SLAIN2: variants seen among roughly 807,000 people sequenced by gnomAD.
SLAIN2 encodes SLAIN motif-containing protein 2.
A neutral mutation model predicts 56.6 loss-of-function variants in SLAIN2; 31 were observed. The ratio of observed to expected loss-of-function variants is 0.55; its 90% CI spans 0.41 to 0.74. The LOEUF is 0.74. Ranked by LOEUF, SLAIN2 falls within the 30% of genes least tolerant of loss-of-function variation. The probability of loss-of-function intolerance (pLI) is 0.00; values close to 1 mark genes in which losing one functional copy is unlikely to be tolerated. For missense variants in SLAIN2, 777 were observed against 754.2 expected, an observed-to-expected ratio of 1.03 and a Z score of -0.35; for synonymous variants, 317 against 284.9, an observed-to-expected ratio of 1.11 and a Z score of -1.13.
intron 6 of SLAIN2, among the ~76,000 whole-genome samples, chr4:48,393,386 T>TGTGTG (rs1716283267): frequency 4.4e-5 from 6 of 135,348 alleles, no homozygotes; most frequent in Admixed American, 1.5e-4. Context: ...CATGTCTGGC[T>TGTGTG]TGTGTGTGTG....
intron 6 of SLAIN2, among the ~76,000 whole-genome samples, chr4:48,407,187 T>C (rs1716720424): frequency 6.6e-6 from 1 of 152,076 alleles, no homozygotes. Flanking sequence ...GAATTATTTT[T>C]TTTCTTCTAA....
In SLAIN2 at chr4:48,342,107, G is replaced by T; in HGVS notation, c.368G>T (p.Trp123Leu). ...GACGAGCTGGAGCGCCTGTCAGGCT[G>T]GGAGGAGGAGGAGGAGAGCTGGTGA... is the stretch of plus-strand genomic sequence containing the variant. ...RPDELERLSG[W>L]EEEEESWLYS... Residue 123 changes from tryptophan to leucine, a missense_variant, in exon 1 of 8, where the codon TGG (tryptophan) becomes TTG (leucine). Physicochemically the swap from Trp to Leu is moderately conservative, Grantham distance 61 (BLOSUM62 -2). Coordinates refer to ENST00000264313, the MANE Select transcript of SLAIN2 (RefSeq NM_020846.2). 3 of 1,349,978 alleles carry T rather than the reference G, an allele frequency of 2.2e-6. No homozygotes were observed. The highest frequency in any genetic ancestry group is 2.8e-6 in the Non-Finnish European group (3 of 1,055,040). 83.6% of individuals were successfully genotyped at this position (1,349,978 alleles called of 1,614,324 possible). A position where few individuals can be genotyped will look rare whatever the true frequency, so the allele number is the denominator to read the frequency against.
chr4:48,368,165 C>T (rs1245592162), intron 1 of SLAIN2, among the ~76,000 whole-genome samples: 2 of 148,824 alleles, frequency 1.3e-5, no homozygotes, highest in African/African-American at 2.5e-5. Flanking sequence ...TCTTGTGCCT[C>T]AGCCTCCCGA....
In SLAIN2 at chr4:48,342,002, G is replaced by T; in HGVS notation, c.263G>T (p.Ser88Ile). 7.0e-7 allele frequency: 1 copy of T among 1,423,498 alleles called. No homozygotes were observed. Among genetic ancestry groups the T allele is most frequent in the Non-Finnish European group, 9.1e-7 (1 of 1,093,562 alleles). 88.2% of individuals were successfully genotyped at this position (1,423,498 alleles called of 1,614,324 possible). Residue 88 changes from serine (S) to isoleucine (I), a missense_variant, in exon 1 of 8, where the codon AGC becomes ATC. By Grantham distance (142) the Ser-to-Ile change is moderately radical. Coordinates refer to ENST00000264313, the MANE Select transcript of SLAIN2 (RefSeq NM_020846.2). ...GPGSGPRRTS[S>I]EELRDATSLL... ...GGGTCGGGCCCGAGGCGGACGAGTA[G>T]CGAAGAGCTGCGGGACGCCACCTCC...
Position 48,371,998 on chromosome 4 carries a change from A to G in SLAIN2, c.538+2001A>G, listed in dbSNP as rs571800513. Among the ~76,000 whole-genome samples the G allele has an allele frequency of 5.8e-3, 878 of 150,936 alleles. 8 individuals are homozygous for G. Among genetic ancestry groups the G allele is most frequent in the African/African-American group, 0.019 (796 of 41,028 alleles). ...CACACACACACACACACGCGCGCAC[A>G]CACACACACACACATATACATATAT... On this transcript the variant is annotated intron_variant, in intron 2 of 7. Coordinates refer to ENST00000264313, the MANE Select transcript of SLAIN2 (RefSeq NM_020846.2).
intron 1 of SLAIN2, among the ~76,000 whole-genome samples, chr4:48,364,168 C>T (rs1309600223): frequency 5.8e-4 from 31 of 53,114 alleles, no homozygotes; most frequent in East Asian, 1.1e-3. Context: ...ACGGGGCGGC[C>T]GGGCAGAGAC....
At chr4:48,352,959 G>A (rs1216558649) in intron 1 of SLAIN2, among the ~76,000 whole-genome samples, 4 of 152,136 alleles carry the variant, frequency 2.6e-5, no homozygotes, top group Admixed American at 2.6e-4. Flanking sequence ...AGATCTGATA[G>A]TTTTATCAGA....
chr4:48,364,676 TC>T (rs1715458707), intron 1 of SLAIN2, among the ~76,000 whole-genome samples: 1 of 120,246 alleles, frequency 8.3e-6, no homozygotes, highest in Non-Finnish European at 1.9e-5. Context: ...GGGCTGGAGA[TC>T]GGCCCGGCCA....
chr4:48,342,678 C>G (rs1714749176), intron 1 of SLAIN2, among the ~76,000 whole-genome samples: 1 of 120,928 alleles, frequency 8.3e-6, no homozygotes, highest in Non-Finnish European at 1.7e-5. Flanking sequence ...GTAAACCTTG[C>G]TTTGTGTGAA....
intron 1 of SLAIN2, among the ~76,000 whole-genome samples, chr4:48,348,040 A>G (rs1375672279): frequency 6.6e-6 from 1 of 152,216 alleles, no homozygotes; most frequent in African/African-American, 2.4e-5. Context: ...AGTCTGATGA[A>G]GTACGATTGA....
Position 48,423,591 on chromosome 4 carries a change from A to AATAT in SLAIN2, c.*1514_*1515insATAT, listed in dbSNP as rs1717220695. The AATAT allele has an allele frequency of 6.6e-6, 1 of 152,152 alleles. No homozygotes were observed. The highest frequency in any genetic ancestry group is 1.9e-4 in the East Asian group (1 of 5,198). 9.4% of individuals were successfully genotyped at this position (152,152 alleles called of 1,614,324 possible). A position where few individuals can be genotyped will look rare whatever the true frequency, so the allele number is the denominator to read the frequency against. ...AGAAATAGAAGGCTTGATATTCTGG[A>AATAT]CAGCATTAAGGTTGATAGGTTGATG... On this transcript the variant is annotated 3_prime_UTR_variant, in exon 8 of 8. Coordinates refer to ENST00000264313, the MANE Select transcript of SLAIN2 (RefSeq NM_020846.2).
At chr4:48,420,064 G>T in intron 6 of SLAIN2, 61 bp from the exon 7 acceptor site, 1 of 1,522,066 alleles carries the variant, frequency 6.6e-7, no homozygotes, top group East Asian at 2.3e-5. Flanking sequence ...GTAATTTAAA[G>T]CAATGGTTTC....
At chr4:48,348,219 A>AATTCTTTGGATTTATCTTTGG (rs1714921124) in intron 1 of SLAIN2, among the ~76,000 whole-genome samples, 1 of 152,152 alleles carries the variant, frequency 6.6e-6, no homozygotes, top group Admixed American at 6.5e-5. Flanking sequence ...AGAATTTTTT[A>AATTCTTTGGATTTATCTTTGG]ATAGAGCTGT....
chr4:48,411,290 C>CAT (rs983823529), intron 6 of SLAIN2, among the ~76,000 whole-genome samples: 11 of 152,090 alleles, frequency 7.2e-5, no homozygotes, highest in African/African-American at 2.7e-4. Flanking sequence ...TCCAGGGCAG[C>CAT]ATGTGATTCG....
intron 1 of SLAIN2, among the ~76,000 whole-genome samples, chr4:48,357,737 T>G (rs1392873787): frequency 1.3e-5 from 2 of 151,980 alleles, no homozygotes; most frequent in Non-Finnish European, 2.9e-5. Context: ...GCATTTTTGG[T>G]AGAGACAAGG....
At chr4:48,369,224 C>T (rs1414757671) in intron 1 of SLAIN2, among the ~76,000 whole-genome samples, 1 of 152,186 alleles carries the variant, frequency 6.6e-6, no homozygotes, top group South Asian at 2.1e-4. Flanking sequence ...TATGTACACA[C>T]TTCCTTATCT....
At chr4:48,349,708 G>A (rs554388591) in intron 1 of SLAIN2, among the ~76,000 whole-genome samples, 1 of 152,254 alleles carries the variant, frequency 6.6e-6, no homozygotes, top group African/African-American at 2.4e-5. Context: ...ATCATGTGGG[G>A]ATCATAATAT....
intron 6 of SLAIN2, among the ~76,000 whole-genome samples, chr4:48,418,371 T>C (rs1577741982): frequency 6.6e-6 from 1 of 152,252 alleles, no homozygotes; most frequent in East Asian, 1.9e-4. Context: ...TTCATGACTG[T>C]GTTGAATTTT....
At chr4:48,356,438 A>G (rs532034317) in intron 1 of SLAIN2, among the ~76,000 whole-genome samples, 1 of 152,206 alleles carries the variant, frequency 6.6e-6, no homozygotes, top group South Asian at 2.1e-4. Context: ...AAAGATCTGT[A>G]CTAGTAGCTG....
Sources: gnomAD v4.1 joint callset for allele counts (sites outside exome capture counted in the v4.1 genomes callset) on GRCh38, gnomAD v4.1.1 for gene constraint, MANE v1.5 for transcripts, NCBI Gene and HGNC (gene_info 2026-07-23, HGNC 2026-07-21) for gene names.